Variants in GABRG3 observed in about 807,000 individuals in gnomAD.
GABRG3 encodes gamma-aminobutyric acid receptor subunit gamma-3.
In GABRG3, 25 loss-of-function variants were observed where a neutral mutation model predicts 48.8. That is an observed-to-expected ratio of 0.51 (90% CI 0.37 to 0.72). The LOEUF (loss-of-function observed/expected upper bound fraction) is 0.72. Ranked by LOEUF, GABRG3 falls within the 30% of genes least tolerant of loss-of-function variation. The pLI is 0.00. For synonymous variants in GABRG3, 227 were observed against 217.6 expected (o/e 1.04, Z -0.38); for missense variants, 394 against 577.9 (o/e 0.68, Z 3.26).
chr15:27,094,765 A>G (rs1897244863), intron 3 of GABRG3, among the ~76,000 whole-genome samples: 1 of 152,178 alleles, frequency 6.6e-6, no homozygotes, highest in Non-Finnish European at 1.5e-5. Flanking sequence ...AACTCAAAAG[A>G]TTTGCTTTTC....
At chr15:27,257,090 C>G (rs4887571) in intron 3 of GABRG3, among the ~76,000 whole-genome samples, 1,852 of 152,248 alleles carry the variant, frequency 0.012, 27 homozygotes, top group Admixed American at 0.041. Flanking sequence ...TATCTTTTGT[C>G]ATTTTGATCA....
intron 3 of GABRG3, among the ~76,000 whole-genome samples, chr15:27,229,461 G>T (rs761297574): frequency 5.4e-4 from 82 of 151,456 alleles, no homozygotes; most frequent in East Asian, 1.7e-3. Flanking sequence ...TTTTGTGTGT[G>T]TGTGTGTGTG....
chr15:27,340,658 T>G (rs1894139353), intron 5 of GABRG3: 1 of 153,178 alleles, frequency 6.5e-6, no homozygotes, highest in Non-Finnish European at 1.5e-5. Flanking sequence ...AAAACTGAAG[T>G]CAATAAAAAT....
intron 7 of GABRG3, among the ~76,000 whole-genome samples, chr15:27,524,816 A>G (rs900483768): frequency 1.3e-5 from 2 of 152,192 alleles, no homozygotes; most frequent in African/African-American, 4.8e-5. Context: ...AAAGGAACAA[A>G]CAAACAGGAA....
chr15:27,020,504 T>C lies in GABRG3; in HGVS notation c.203-6250T>C, dbSNP rs868439457. Among the ~76,000 whole-genome samples, 125 of 152,224 alleles carry C rather than the reference T, an allele frequency of 8.2e-4. 1 individual carries two copies. The highest frequency in any genetic ancestry group is 3.3e-3 in the South Asian group (16 of 4,830). ...TCGGCTCACTGCAAGCTCCGCCTCC[T>C]GGGTTCACGCCATTCTCCTGCCTCA... On this transcript the variant is annotated intron_variant, in intron 2 of 9. Transcript: ENST00000615808.
intron 5 of GABRG3, among the ~76,000 whole-genome samples, chr15:27,471,818 G>A (rs1430306620): frequency 6.6e-6 from 1 of 152,062 alleles, no homozygotes; most frequent in East Asian, 1.9e-4. Context: ...CATCTTTCCT[G>A]TTTCTTTGAT....
At chr15:27,003,102 G>A (rs183913485) in intron 2 of GABRG3, among the ~76,000 whole-genome samples, 112 of 150,826 alleles carry the variant, frequency 7.4e-4, no homozygotes, top group African/African-American at 2.5e-3. Flanking sequence ...TACAGAATTT[G>A]GTTTTTCTCA....
intron 3 of GABRG3, among the ~76,000 whole-genome samples, chr15:27,197,554 G>A (rs950962734): frequency 6.6e-6 from 1 of 151,760 alleles, no homozygotes; most frequent in African/African-American, 2.4e-5. Context: ...CAGGGTTGAT[G>A]TTCTTAGGGT....
Position 27,351,473 on chromosome 15 carries a change from TTGTA to T in GABRG3, c.574+22588_574+22591del, listed in dbSNP as rs774977855. On this transcript the variant is annotated intron_variant, in intron 5 of 9. Transcript: ENST00000615808. ...GGTGTGTGTGTTTGTGTGTGTATGT[TTGTA>T]TGGTGTGTGTATGGTGTGTGTGTGT... Among the ~76,000 whole-genome samples, 72 of 141,786 alleles carry T rather than the reference TTGTA, an allele frequency of 5.1e-4. 1 individual carries two copies. The highest frequency in any genetic ancestry group is 8.1e-4 in the Non-Finnish European group (53 of 65,284). 93.0% of individuals were successfully genotyped at this position (141,786 alleles called of 152,430 possible).
rs1317259885 is a variant in GABRG3 at position 27,474,168 on chromosome 15, C to T, written c.575-6482C>T. On this transcript the variant is annotated intron_variant, in intron 5 of 9. Transcript: ENST00000615808. Reference sequence around the variant, plus strand: ...TACCTGATATGAAGACTTCATTTTCCTAAACACAGGCATTTTCTTCTTCAA... The same window carrying T: ...TACCTGATATGAAGACTTCATTTTCTTAAACACAGGCATTTTCTTCTTCAA... Among the ~76,000 whole-genome samples the T allele has an allele frequency of 2.0e-5, 3 of 152,156 alleles. No individual in the cohort carries two copies. The East Asian group carries it at 5.8e-4, about 29-fold the overall frequency.
Position 27,236,577 on chromosome 15 carries a change from T to C in GABRG3, c.271-90232T>C, listed in dbSNP as rs1316086549. 1.3e-5 allele frequency among the ~76,000 whole-genome samples: 2 copies of C among 152,126 alleles called. No homozygotes were observed. Among genetic ancestry groups the C allele is most frequent in the Non-Finnish European group, 2.9e-5 (2 of 68,020 alleles). On this transcript the variant is annotated intron_variant, in intron 3 of 9. Transcript: ENST00000615808. This position sits in a 1 kb window ranked among gnomAD's most constrained non-coding sequence, Gnocchi z 4.4. ...CTTAGCCAGTCACCTGAGGCCAGGATCAGACTCCGCCTCCCTCTTTACAGC... is the reference window on the plus strand; with the variant it reads ...CTTAGCCAGTCACCTGAGGCCAGGACCAGACTCCGCCTCCCTCTTTACAGC...
intron 3 of GABRG3, among the ~76,000 whole-genome samples, chr15:27,221,230 T>C (rs1479775945): frequency 6.6e-6 from 1 of 152,130 alleles, no homozygotes; most frequent in East Asian, 1.9e-4. Context: ...TGACCTTTTT[T>C]GTAGACATTT....
chr15:27,026,530 A>G (rs1895986085), intron 2 of GABRG3, among the ~76,000 whole-genome samples: 1 of 152,204 alleles, frequency 6.6e-6, no homozygotes, highest in Non-Finnish European at 1.5e-5. Context: ...CCTAGATAGA[A>G]CTGAAAAGAT....
chr15:27,082,351 A>C (rs969755673), intron 3 of GABRG3, among the ~76,000 whole-genome samples: 1 of 152,240 alleles, frequency 6.6e-6, no homozygotes, highest in Non-Finnish European at 1.5e-5. Flanking sequence ...TTGTAGAAGA[A>C]AGATTCCAGA....
At chr15:26,982,948 G>C (rs2140639696) in intron 2 of GABRG3, among the ~76,000 whole-genome samples, 1 of 152,228 alleles carries the variant, frequency 6.6e-6, no homozygotes, top group South Asian at 2.1e-4. Flanking sequence ...TTGTCTGCCT[G>C]TCTCATTTAA....
intron 2 of GABRG3, among the ~76,000 whole-genome samples, chr15:27,009,751 G>T (rs1895651160): frequency 6.6e-6 from 1 of 152,166 alleles, no homozygotes; most frequent in Admixed American, 6.5e-5. Context: ...ATCCTATGGT[G>T]ATCACACATA....
At chr15:27,461,049 T>C (rs1308038280) in intron 5 of GABRG3, among the ~76,000 whole-genome samples, 2 of 152,092 alleles carry the variant, frequency 1.3e-5, no homozygotes, top group African/African-American at 4.8e-5. Flanking sequence ...ATATCTACTC[T>C]CCCACTTGTA....
intron 5 of GABRG3, among the ~76,000 whole-genome samples, chr15:27,346,367 T>A (rs1292904287): frequency 6.6e-6 from 1 of 152,214 alleles, no homozygotes; most frequent in East Asian, 1.9e-4. Context: ...TGTTTTGGCT[T>A]CCTGCAGTGT....
intron 3 of GABRG3, among the ~76,000 whole-genome samples, chr15:27,279,629 T>G (rs1024904033): frequency 1.3e-5 from 2 of 152,234 alleles, no homozygotes; most frequent in African/African-American, 4.8e-5. Context: ...GATGTTTCTC[T>G]TCTTCTGCTA....
Sources: gnomAD v4.1 joint callset for allele counts (sites outside exome capture counted in the v4.1 genomes callset) on GRCh38, gnomAD v4.1.1 for gene constraint, Gnocchi (gnomAD v3.1) non-coding constraint, MANE v1.5 for transcripts, NCBI Gene and HGNC (gene_info 2026-07-23, HGNC 2026-07-21) for gene names.